Variants in DTWD2 observed in about 807,000 individuals in gnomAD.
DTWD2 encodes tRNA-uridine aminocarboxypropyltransferase 2.
DTWD2 carries 39 observed loss-of-function variants against 31.8 expected under a neutral mutation model. That is an observed-to-expected ratio of 1.22 (90% CI 0.95 to 1.60). The LOEUF (loss-of-function observed/expected upper bound fraction) is 1.60, where lower values mean the gene tolerates loss of function less well. DTWD2 is among the 40% of genes most tolerant of loss of function. The pLI is 0.00. For missense variants in DTWD2, 515 were observed against 381.5 expected (o/e 1.35, Z -2.92); for synonymous variants, 180 against 142.8 (o/e 1.26, Z -1.86).
chr5:118,922,886 T>C, intron 4 of DTWD2, among the ~76,000 whole-genome samples: 1 of 152,176 alleles, frequency 6.6e-6, no homozygotes, highest in East Asian at 1.9e-4. Flanking sequence ...GATTCTACTC[T>C]GGGAAAGAGA....
At chr5:118,862,629 A>G (rs1021459669) in intron 4 of DTWD2, among the ~76,000 whole-genome samples, 1 of 152,232 alleles carries the variant, frequency 6.6e-6, no homozygotes, top group African/African-American at 2.4e-5. Context: ...ATACCAATTT[A>G]TACCATAGTA....
chr5:118,876,800 CAAG>C (rs1752631169), intron 4 of DTWD2, among the ~76,000 whole-genome samples: 1 of 152,144 alleles, frequency 6.6e-6, no homozygotes, highest in Non-Finnish European at 1.5e-5. Context: ...GCCAAATGTA[CAAG>C]AAGAGCTGGT....
chr5:118,872,024 A>G (rs1483069809), intron 4 of DTWD2, among the ~76,000 whole-genome samples: 1 of 152,182 alleles, frequency 6.6e-6, no homozygotes, highest in Non-Finnish European at 1.5e-5. Flanking sequence ...TTCACCTTGC[A>G]CTTTTTTGTT....
intron 1 of DTWD2, among the ~76,000 whole-genome samples, chr5:118,947,682 G>C (rs1397972365): frequency 6.6e-6 from 1 of 152,130 alleles, no homozygotes; most frequent in Non-Finnish European, 1.5e-5. Flanking sequence ...TCTCACTTTG[G>C]GGCATAGTTC....
At chr5:118,904,455 T>C (rs138277622) in intron 4 of DTWD2, among the ~76,000 whole-genome samples, 3 of 152,234 alleles carry the variant, frequency 2.0e-5, no homozygotes, top group African/African-American at 7.2e-5. Context: ...ATGGCACCAT[T>C]TTTTGTATAA....
At chr5:118,864,869 CT>C (rs1331350671) in intron 4 of DTWD2, among the ~76,000 whole-genome samples, 4 of 152,052 alleles carry the variant, frequency 2.6e-5, no homozygotes, top group Non-Finnish European at 5.9e-5. Flanking sequence ...ACTTACAGAA[CT>C]TTTCTTTTTA....
intron 3 of DTWD2, 53 bp from the exon 4 acceptor site, chr5:118,928,782 T>G (rs1753862655): frequency 1.5e-6 from 2 of 1,358,610 alleles, no homozygotes; most frequent in Admixed American, 2.5e-5. Context: ...GAAAAAAGGT[T>G]TTATTATGCT....
At chr5:118,974,402 A>C (rs1194183133) in intron 1 of DTWD2, among the ~76,000 whole-genome samples, 1 of 152,168 alleles carries the variant, frequency 6.6e-6, no homozygotes, top group Non-Finnish European at 1.5e-5. Flanking sequence ...TTTTTTATTT[A>C]CATTTTATAT....
At chr5:118,979,546 T>TA (rs1307694612) in intron 1 of DTWD2, among the ~76,000 whole-genome samples, 1 of 152,170 alleles carries the variant, frequency 6.6e-6, no homozygotes, top group Non-Finnish European at 1.5e-5. Context: ...ATTATAAAGA[T>TA]ATATGCATGC....
chr5:118,977,506 A>T (rs945640656), intron 1 of DTWD2, among the ~76,000 whole-genome samples: 2 of 152,232 alleles, frequency 1.3e-5, no homozygotes, highest in African/African-American at 2.4e-5. Flanking sequence ...ATATAAAATC[A>T]ATGTGCAAAA....
chr5:118,854,908 G>T (rs938733628), intron 4 of DTWD2, among the ~76,000 whole-genome samples: 2 of 151,962 alleles, frequency 1.3e-5, no homozygotes, highest in African/African-American at 4.8e-5. Flanking sequence ...AAATTAAAAT[G>T]TTGACTGGGC....
At chr5:118,907,663 G>A (rs976281458) in intron 4 of DTWD2, among the ~76,000 whole-genome samples, 9 of 151,458 alleles carry the variant, frequency 5.9e-5, no homozygotes, top group East Asian at 1.9e-4. Context: ...CCTGAGAGGC[G>A]AAGACTGCAG....
chr5:118,968,229 T>C (rs1476588398), intron 1 of DTWD2, among the ~76,000 whole-genome samples: 1 of 149,260 alleles, frequency 6.7e-6, no homozygotes, highest in African/African-American at 2.5e-5. Context: ...TAAGGAATCA[T>C]CACAAACTAG....
intron 4 of DTWD2, among the ~76,000 whole-genome samples, chr5:118,868,225 G>A (rs956064054): frequency 6.6e-6 from 1 of 151,872 alleles, no homozygotes; most frequent in African/African-American, 2.4e-5. Flanking sequence ...AAAGAATGTT[G>A]TTGGGCCCTT....
rs751800534 is a variant in DTWD2, at chr5:118,944,536, T to G, written c.309+23A>C. The G allele has an allele frequency of 3.1e-6, 5 of 1,604,936 alleles. No homozygotes were observed. The South Asian group carries it at 5.5e-5, about 18-fold the overall frequency. ...TTGTGGACTCATATTCTATTTGAAA[T>G]CCTGTATTTTACAAAATCTTACCTC... On this transcript the variant is annotated intron_variant, in intron 2 of 5. Coordinates refer to ENST00000510708, the MANE Select transcript of DTWD2 (RefSeq NM_173666.4).
rs528770889 is a variant in DTWD2, at chr5:118,934,117, G to A, written c.404+5079C>T. Among the ~76,000 whole-genome samples, 61 of 150,396 alleles carry A rather than the reference G, an allele frequency of 4.1e-4. 1 individual carries two copies. The South Asian group carries it at 0.013, about 31-fold the overall frequency. ...ATTAAAATACGTAAAGTACCTGTAT[G>A]TGAAACACTAAAAAACACTGATAAA... On this transcript the variant is annotated intron_variant, in intron 3 of 5. Coordinates refer to ENST00000510708, the MANE Select transcript of DTWD2 (RefSeq NM_173666.4).
intron 4 of DTWD2, among the ~76,000 whole-genome samples, chr5:118,893,057 G>C (rs900236283): frequency 6.2e-4 from 94 of 151,972 alleles, no homozygotes; most frequent in African/African-American, 2.2e-3. Flanking sequence ...AATATATACA[G>C]TACTGTACTT....
intron 1 of DTWD2, among the ~76,000 whole-genome samples, chr5:118,955,789 C>G (rs1051046809): frequency 6.6e-6 from 1 of 151,182 alleles, no homozygotes; most frequent in African/African-American, 2.4e-5. Context: ...CAGCAAGACC[C>G]CTATCTCTTA....
chr5:118,974,606 G>GT (rs778566511), intron 1 of DTWD2: 1 of 505,768 alleles, frequency 2.0e-6, no homozygotes, highest in African/African-American at 2.0e-5. Flanking sequence ...GAGCATTCCA[G>GT]TAACTTTTTT....
Sources: gnomAD v4.1 joint callset for allele counts (sites outside exome capture counted in the v4.1 genomes callset) on GRCh38, gnomAD v4.1.1 for gene constraint, MANE v1.5 for transcripts, NCBI Gene and HGNC (gene_info 2026-07-23, HGNC 2026-07-21) for gene names.